Variants in NFIX observed in about 807,000 individuals in gnomAD.
NFIX encodes nuclear factor 1 X-type.
In NFIX, 2 loss-of-function variants were observed where a neutral mutation model predicts 53.3. The observed-to-expected ratio is 0.04, with a 90% confidence interval of 0.02 to 0.12. NFIX has a LOEUF of 0.12. Ranked by LOEUF, NFIX falls within the 10% of genes least tolerant of loss-of-function variation. NFIX has a pLI of 1.00. For missense variants in NFIX, 310 were observed against 674.5 expected (o/e 0.46, Z 5.99); for synonymous variants, 244 against 289.0 (o/e 0.84, Z 1.58).
rs1398959258 is a variant in NFIX, at chr19:13,096,962, A to C, written c.*2313A>C. 2.0e-5 allele frequency: 3 copies of C among 150,822 alleles called. No individual in the cohort carries two copies. Among genetic ancestry groups the C allele is most frequent in the Admixed American group, 6.6e-5 (1 of 15,184 alleles). The allele number at this position is 150,822 out of a possible 1,614,324, so 9.3% of individuals were successfully genotyped here. ...ACGTGTTAGGAGAGAAAAAAAAAAA[A>C]ACAAAAATATATATGGGGGAAATTA... is the stretch of plus-strand genomic sequence containing the variant. On this transcript the variant is annotated 3_prime_UTR_variant, in exon 11 of 11. Transcript: ENST00000592199.
In NFIX at chr19:12,996,573, C is replaced by T. The variant is rs563521958; in HGVS notation, c.27+709C>T. On this transcript the variant is annotated intron_variant, in intron 1 of 10. Transcript: ENST00000592199. The surrounding 1 kb of genome is among the most constrained non-coding windows in gnomAD (Gnocchi z 5.2). Reference sequence around the variant, plus strand: ...CCAGCGGTGGCCGCGCCTCTCCGACCCCGGACGTCGCAGCCTCTGCCCCCC... The same window carrying T: ...CCAGCGGTGGCCGCGCCTCTCCGACTCCGGACGTCGCAGCCTCTGCCCCCC... Among the ~76,000 whole-genome samples, 5 of 152,292 alleles carry T rather than the reference C, an allele frequency of 3.3e-5. No homozygotes were observed. Among genetic ancestry groups the T allele is most frequent in the East Asian group, 1.9e-4 (1 of 5,176 alleles).
rs1427441647 is a variant in NFIX, at chr19:13,094,984, C to T, written c.*335C>T. 2.0e-5 allele frequency: 6 copies of T among 296,040 alleles called. No homozygotes were observed. In the East Asian group the frequency reaches 3.3e-4, roughly 16 times the overall value. 18.3% of individuals were successfully genotyped at this position (296,040 alleles called of 1,614,324 possible). ...TGCCTTCCTCCCCCTGACCCCGCCCCGGCCTTCTGGGGAAGGAACAAAGTC... is the reference window on the plus strand; with the variant it reads ...TGCCTTCCTCCCCCTGACCCCGCCCTGGCCTTCTGGGGAAGGAACAAAGTC... On this transcript the variant is annotated 3_prime_UTR_variant, in exon 11 of 11. Transcript: ENST00000592199. This position sits in a 1 kb window ranked among gnomAD's most constrained non-coding sequence, Gnocchi z 4.3.
intron 1 of NFIX, among the ~76,000 whole-genome samples, chr19:13,020,731 C>T (rs766738327): frequency 3.3e-5 from 5 of 152,110 alleles, no homozygotes; most frequent in African/African-American, 7.2e-5. Context: ...ACTCTTCTGC[C>T]GCCTCTCCTC....
In NFIX at chr19:13,040,333, AG is replaced by A. The variant is rs1473143748; in HGVS notation, c.559+14782del. 6.6e-6 allele frequency among the ~76,000 whole-genome samples: 1 copy of A among 152,128 alleles called. No individual in the cohort carries two copies. The highest frequency in any genetic ancestry group is 1.9e-4 in the East Asian group (1 of 5,178). Reference sequence around the variant, plus strand: ...GGGACATCCTCCCTTTTGGCCACAAAGCACACAGCCCCCCAGAGGCCATGTC... The same window carrying A: ...GGGACATCCTCCCTTTTGGCCACAAACACACAGCCCCCCAGAGGCCATGTC... On this transcript the variant is annotated intron_variant, in intron 2 of 10. Transcript: ENST00000592199. The surrounding 1 kb of genome is among the most constrained non-coding windows in gnomAD (Gnocchi z 4.2).
chr19:13,031,371 G>A (rs552261977), intron 2 of NFIX, among the ~76,000 whole-genome samples: 1 of 152,266 alleles, frequency 6.6e-6, no homozygotes, highest in South Asian at 2.1e-4. Context: ...ATGGTGACCA[G>A]CCGTGCTCTA....
chr19:13,087,774 C>CAAAAAAAAAAAAAAAA (rs1157966190), intron 8 of NFIX, among the ~76,000 whole-genome samples: 1 of 26,392 alleles, frequency 3.8e-5, no homozygotes, highest in Non-Finnish European at 6.3e-5. Flanking sequence ...AAAAGAGGAC[C>CAAAAAAAAAAAAAAAA]AAAAAAAAAA....
intron 1 of NFIX, among the ~76,000 whole-genome samples, chr19:13,020,732 G>A (rs1304025250): frequency 3.9e-5 from 6 of 152,092 alleles, no homozygotes; most frequent in Non-Finnish European, 4.4e-5. Context: ...CTCTTCTGCC[G>A]CCTCTCCTCT....
chr19:13,005,339 C>T lies in NFIX; in HGVS notation c.27+9475C>T, dbSNP rs2011956976. Among the ~76,000 whole-genome samples, 1 of 152,230 alleles carries T rather than the reference C, an allele frequency of 6.6e-6. No homozygotes were observed. The highest frequency in any genetic ancestry group is 2.1e-4 in the South Asian group (1 of 4,832). On this transcript the variant is annotated intron_variant, in intron 1 of 10. Transcript: ENST00000592199. The surrounding 1 kb of genome is among the most constrained non-coding windows in gnomAD (Gnocchi z 4.7). ...GTTGCACCCTTGCTAAGTGCCTTCCCAGCTTGTCTTCTTGAATCCTGTGTT... is the reference window on the plus strand; with the variant it reads ...GTTGCACCCTTGCTAAGTGCCTTCCTAGCTTGTCTTCTTGAATCCTGTGTT...
chr19:13,096,625 G>A lies in NFIX; in HGVS notation c.*1976G>A. 1 of 152,596 alleles carries A rather than the reference G, an allele frequency of 6.6e-6. No homozygotes were observed. The allele number at this position is 152,596 out of a possible 1,614,324, so 9.5% of individuals were successfully genotyped here. ...GTGGGGGGCCGGGTGGGCCGGGCGT[G>A]ACGCGCGGTCAAAGTGCAATGATTT... On this transcript the variant is annotated 3_prime_UTR_variant, in exon 11 of 11. Coordinates refer to ENST00000592199, the MANE Select transcript of NFIX (RefSeq NM_001365902.3).
rs2018529723 is a variant in NFIX, at chr19:13,097,471, A to G, written c.*2822A>G. On this transcript the variant is annotated 3_prime_UTR_variant, in exon 11 of 11. Transcript: ENST00000592199. ...CAAACTATTATACATAAGTTTATGA[A>G]TCAATTAAATATCCTGCACTTGTTA... is the stretch of plus-strand genomic sequence containing the variant. The G allele has an allele frequency of 6.6e-6, 1 of 152,606 alleles. No homozygotes were observed. The highest frequency in any genetic ancestry group is 6.5e-5 in the Admixed American group (1 of 15,282). The allele number at this position is 152,606 out of a possible 1,614,324, so 9.5% of individuals were successfully genotyped here. A position where few individuals can be genotyped will look rare whatever the true frequency, so the allele number is the denominator to read the frequency against.
chr19:13,063,087 GC>G (rs928623427), intron 2 of NFIX, among the ~76,000 whole-genome samples: 4 of 152,226 alleles, frequency 2.6e-5, no homozygotes, highest in African/African-American at 4.8e-5. Flanking sequence ...AGAGCAGGGG[GC>G]AGAGAGAGGT....
At chr19:13,080,180 A>G (rs976975812) in intron 7 of NFIX, among the ~76,000 whole-genome samples, 3 of 152,152 alleles carry the variant, frequency 2.0e-5, no homozygotes, top group African/African-American at 7.2e-5. Flanking sequence ...GATAAATAAT[A>G]TTTTAATGGA....
chr19:13,023,039 CTT>C (rs1341675162), intron 1 of NFIX, among the ~76,000 whole-genome samples: 1 of 148,432 alleles, frequency 6.7e-6, no homozygotes, highest in Non-Finnish European at 1.5e-5. Context: ...GTGGATGTCT[CTT>C]TGCCAAATAG....
Position 13,006,972 on chromosome 19 carries a change from G to A in NFIX, c.27+11108G>A, listed in dbSNP as rs1019039173. On this transcript the variant is annotated intron_variant, in intron 1 of 10. Transcript: ENST00000592199. This position sits in a 1 kb window ranked among gnomAD's most constrained non-coding sequence, Gnocchi z 5.6. ...GGTGGGGAAGTGCTGGGCGCCTCCA[G>A]GCCCCTGCTTGTCCCGTGCCACCTG... Among the ~76,000 whole-genome samples the A allele has an allele frequency of 3.3e-5, 5 of 152,194 alleles. No individual in the cohort carries two copies. Among genetic ancestry groups the A allele is most frequent in the African/African-American group, 1.2e-4 (5 of 41,450 alleles).
Position 12,996,069 on chromosome 19 carries a change from T to C in NFIX, c.27+205T>C, listed in dbSNP as rs1264647127. ...GTGCGACCCTGGCCACCGGGCGGAC[T>C]CCTTTTGGGGGTTCCGGGGGTGGCC... On this transcript the variant is annotated intron_variant, in intron 1 of 10. Transcript: ENST00000592199. The surrounding 1 kb of genome is among the most constrained non-coding windows in gnomAD (Gnocchi z 5.2). Among the ~76,000 whole-genome samples, 1 of 151,488 alleles carries C rather than the reference T, an allele frequency of 6.6e-6. No individual in the cohort carries two copies. The highest frequency in any genetic ancestry group is 2.0e-4 in the East Asian group (1 of 5,050).
At chr19:13,074,068 C>T in intron 5 of NFIX, 42 bp downstream of exon 5, 1 of 1,612,264 alleles carries the variant, frequency 6.2e-7, no homozygotes, top group Non-Finnish European at 8.5e-7. Context: ...TCTCCACTCC[C>T]CCCAGGGCCA....
rs1271239708 is a variant in NFIX at position 13,081,630 on chromosome 19, G to T, written c.1079-50G>T. 1 of 1,581,896 alleles carries T rather than the reference G, an allele frequency of 6.3e-7. No individual in the cohort carries two copies. Among genetic ancestry groups the T allele is most frequent in the Non-Finnish European group, 8.6e-7 (1 of 1,161,768 alleles). ...CCCTCCTCTCCTGTCCCTCCCACTG[G>T]CTGCCTCCTTGGCCCTGACGCCCTT... On this transcript the variant is annotated intron_variant, in intron 7 of 10. Coordinates refer to ENST00000592199, the MANE Select transcript of NFIX (RefSeq NM_001365902.3). This position sits in a 1 kb window ranked among gnomAD's most constrained non-coding sequence, Gnocchi z 4.7.
chr19:13,012,947 G>C lies in NFIX; in HGVS notation c.28-12074G>C, dbSNP rs115970645. On this transcript the variant is annotated intron_variant, in intron 1 of 10. Coordinates refer to ENST00000592199, the MANE Select transcript of NFIX (RefSeq NM_001365902.3). This position sits in a 1 kb window ranked among gnomAD's most constrained non-coding sequence, Gnocchi z 5.0. ...AGATTTTTGTTTCCAGGGTTGGCTG[G>C]GTTTGGGGGATTTTGTCCTCCAGCG... Among the ~76,000 whole-genome samples, 1,335 of 152,170 alleles carry C rather than the reference G, an allele frequency of 8.8e-3. 21 individuals are homozygous for C. Among genetic ancestry groups the C allele is most frequent in the African/African-American group, 0.031 (1,280 of 41,490 alleles).
chr19:13,006,198 G>A lies in NFIX; in HGVS notation c.27+10334G>A, dbSNP rs1232564115. ...GGGCCCTCGGGAGTGCTGGGCAGCT[G>A]TGGTTTTAGCAGAGGTGGGCACGGA... On this transcript the variant is annotated intron_variant, in intron 1 of 10. Transcript: ENST00000592199. The surrounding 1 kb of genome is among the most constrained non-coding windows in gnomAD (Gnocchi z 5.6). Among the ~76,000 whole-genome samples the A allele has an allele frequency of 2.0e-5, 3 of 152,190 alleles. No individual in the cohort carries two copies. Among genetic ancestry groups the A allele is most frequent in the African/African-American group, 7.2e-5 (3 of 41,446 alleles).
Sources: gnomAD v4.1 joint callset for allele counts (sites outside exome capture counted in the v4.1 genomes callset) on GRCh38, gnomAD v4.1.1 for gene constraint, Gnocchi (gnomAD v3.1) non-coding constraint, MANE v1.5 for transcripts, NCBI Gene and HGNC (gene_info 2026-07-23, HGNC 2026-07-21) for gene names.